The following PHF21B variants were observed in gnomAD, a reference collection of about 807,000 sequenced individuals.
PHF21B encodes the protein PHD finger protein 21B.
A neutral mutation model predicts 62.2 loss-of-function variants in PHF21B; 22 were observed. The ratio of observed to expected loss-of-function variants is 0.35; its 90% CI spans 0.25 to 0.51. The LOEUF (loss-of-function observed/expected upper bound fraction) is 0.51. Ranked by LOEUF, PHF21B falls within the 20% of genes least tolerant of loss-of-function variation. The probability of loss-of-function intolerance (pLI) is 0.97; values close to 1 mark genes in which losing one functional copy is unlikely to be tolerated. For synonymous variants in PHF21B, 341 were observed against 314.7 expected (o/e 1.08, Z -0.88); for missense variants, 701 against 707.9 (o/e 0.99, Z 0.11).
In PHF21B at chr22:44,882,828, G is replaced by A. The variant is rs868817086; in HGVS notation, c.*258C>T. On this transcript the variant is annotated 3_prime_UTR_variant, in exon 13 of 13. Coordinates refer to ENST00000313237, the MANE Select transcript of PHF21B (RefSeq NM_138415.5). ...GCCCAGGCAGCCCCGAGGTGGCCGG[G>A]GGGAGACTGTGTGCCCCAGCCTGTC... is the stretch of plus-strand genomic sequence containing the variant. 4 of 461,728 alleles carry A rather than the reference G, an allele frequency of 8.7e-6. No individual in the cohort carries two copies. Among genetic ancestry groups the A allele is most frequent in the Non-Finnish European group, 1.5e-5 (4 of 261,122 alleles). 28.6% of individuals were successfully genotyped at this position (461,728 alleles called of 1,614,324 possible).
chr22:44,916,275 C>T lies in PHF21B; in HGVS notation c.564+5G>A. On this transcript the variant is annotated splice_donor_5th_base_variant and intron_variant, in intron 4 of 12. Coordinates refer to ENST00000313237, the MANE Select transcript of PHF21B (RefSeq NM_138415.5). ...CCTTTCCGGAGCCTGCTGGTGGGCACTCACCTTGTTGTCAGCACTGATGAG... is the reference window on the plus strand; with the variant it reads ...CCTTTCCGGAGCCTGCTGGTGGGCATTCACCTTGTTGTCAGCACTGATGAG... The T allele has an allele frequency of 6.2e-7, 1 of 1,607,802 alleles. No individual in the cohort carries two copies. The highest frequency in any genetic ancestry group is 8.5e-7 in the Non-Finnish European group (1 of 1,178,814).
At chr22:44,885,988 T>C in intron 10 of PHF21B, 50 bp from the exon 11 acceptor site, 2 of 1,559,688 alleles carry the variant, frequency 1.3e-6, no homozygotes, top group Non-Finnish European at 1.8e-6. Context: ...TGGGACCTGC[T>C]GGGACTGTCC....
Position 45,009,343 on chromosome 22 carries a change from G to C in PHF21B, c.54+153C>G, listed in dbSNP as rs1384103505. The C allele has an allele frequency of 2.6e-6, 2 of 764,836 alleles. No homozygotes were observed. Among genetic ancestry groups the C allele is most frequent in the Admixed American group, 6.4e-5 (2 of 31,088 alleles). The allele number at this position is 764,836 out of a possible 1,614,324, so 47.4% of individuals were successfully genotyped here. Reference sequence around the variant, plus strand: ...CGGAGGGGAGCCCAGAAGGGGGTCCGCGCGTGTGCTCACTCCCTCGCCCCC... The same window carrying C: ...CGGAGGGGAGCCCAGAAGGGGGTCCCCGCGTGTGCTCACTCCCTCGCCCCC... On this transcript the variant is annotated intron_variant, in intron 1 of 12. Coordinates refer to ENST00000313237, the MANE Select transcript of PHF21B (RefSeq NM_138415.5). The surrounding 1 kb of genome is among the most constrained non-coding windows in gnomAD (Gnocchi z 5.9).
At chr22:44,947,146 T>A (rs1569246524) in intron 2 of PHF21B, among the ~76,000 whole-genome samples, 1 of 152,226 alleles carries the variant, frequency 6.6e-6, no homozygotes, top group Non-Finnish European at 1.5e-5. Context: ...ATGAGAAGCC[T>A]GGCCTTGCAG....
At position 44,945,873 on chromosome 22, in the gene PHF21B, C is replaced by G. The variant is rs1194946277; in HGVS notation, c.121-25383G>C. Among the ~76,000 whole-genome samples, 5 of 152,160 alleles carry G rather than the reference C, an allele frequency of 3.3e-5. No individual in the cohort carries two copies. The East Asian group carries it at 5.8e-4, about 18-fold the overall frequency. Reference sequence around the variant, plus strand: ...AACTCTTTGGGCCTCAGGCCCCAGGCAGTGAGATGGGGAAGATGCTACCAT... The same window carrying G: ...AACTCTTTGGGCCTCAGGCCCCAGGGAGTGAGATGGGGAAGATGCTACCAT... On this transcript the variant is annotated intron_variant, in intron 2 of 12. Transcript: ENST00000313237.
chr22:44,971,799 G>A (rs944225104), intron 2 of PHF21B, among the ~76,000 whole-genome samples: 7 of 152,172 alleles, frequency 4.6e-5, no homozygotes, highest in African/African-American at 9.7e-5. Context: ...GACCCCTCCC[G>A]CACTTGCTGC....
intron 10 of PHF21B, 74 bp downstream of exon 10, chr22:44,887,889 C>A: frequency 7.5e-7 from 1 of 1,337,558 alleles, no homozygotes; most frequent in Non-Finnish European, 9.6e-7. Flanking sequence ...TTCACCCCTC[C>A]TCTGCCCTGT....
chr22:44,899,937 G>T (rs2071128311), intron 5 of PHF21B, among the ~76,000 whole-genome samples: 1 of 151,846 alleles, frequency 6.6e-6, no homozygotes, highest in Non-Finnish European at 1.5e-5. Flanking sequence ...AAATCTCTTG[G>T]GTTTTCTCAA....
intron 2 of PHF21B, chr22:44,933,429 C>T (rs904485486): frequency 1.0e-6 from 1 of 982,598 alleles, no homozygotes; most frequent in Non-Finnish European, 1.2e-6. Context: ...TTCCTGAAGC[C>T]ATTGGCACTG....
At chr22:44,989,414 G>T (rs1170423228) in intron 2 of PHF21B, 1 of 152,066 alleles carries the variant, frequency 6.6e-6, no homozygotes, top group African/African-American at 2.4e-5. Context: ...CATGAAACGT[G>T]AATCCAACGG....
chr22:44,933,740 GACAGAC>G (rs2071789046), intron 2 of PHF21B, among the ~76,000 whole-genome samples: 1 of 151,438 alleles, frequency 6.6e-6, no homozygotes, highest in South Asian at 2.1e-4. Flanking sequence ...GAGAGAGACA[GACAGAC>G]AGACAGAGAG....
chr22:44,969,789 A>C (rs1332331691), intron 2 of PHF21B, among the ~76,000 whole-genome samples: 1 of 152,178 alleles, frequency 6.6e-6, no homozygotes, highest in African/African-American at 2.4e-5. Context: ...ACTTTCCGCT[A>C]TCTCACCTGA....
chr22:44,915,048 G>A (rs1412815716), intron 4 of PHF21B, among the ~76,000 whole-genome samples: 2 of 152,172 alleles, frequency 1.3e-5, no homozygotes, highest in African/African-American at 4.8e-5. Context: ...CACGGGTGGT[G>A]ACTGTCTGAT....
chr22:44,988,652 G>A (rs2072993750), intron 2 of PHF21B, among the ~76,000 whole-genome samples: 1 of 152,192 alleles, frequency 6.6e-6, no homozygotes, highest in Non-Finnish European at 1.5e-5. Context: ...CAAAGATGTA[G>A]GAAATATGAA....
At chr22:44,955,647 G>A (rs1247133385) in intron 2 of PHF21B, among the ~76,000 whole-genome samples, 2 of 152,154 alleles carry the variant, frequency 1.3e-5, no homozygotes, top group Admixed American at 6.5e-5. Context: ...TGGTCCCCAG[G>A]CCTTCAGACT....
At position 44,928,739 on chromosome 22, in the gene PHF21B, A is replaced by G. The variant is rs144319501; in HGVS notation, c.121-8249T>C. 1.2e-3 allele frequency among the ~76,000 whole-genome samples: 177 copies of G among 152,318 alleles called. 2 individuals carry two copies. The highest frequency in any genetic ancestry group is 0.011 in the East Asian group (59 of 5,184). The stretch of plus-strand genomic sequence containing the variant: ...GGAACTTTTTAAAGAAACCAGGACA[A>G]TTGTCTACAGAAGGCGCTGGGTTTC... On this transcript the variant is annotated intron_variant, in intron 2 of 12. Coordinates refer to ENST00000313237, the MANE Select transcript of PHF21B (RefSeq NM_138415.5).
intron 2 of PHF21B, among the ~76,000 whole-genome samples, chr22:44,978,898 T>C (rs543951340): frequency 1.3e-5 from 2 of 152,140 alleles, no homozygotes; most frequent in South Asian, 4.2e-4. Flanking sequence ...TGCGTGCAGC[T>C]GCTGCATCTG....
chr22:45,007,198 T>C (rs2073332138), intron 2 of PHF21B, among the ~76,000 whole-genome samples: 1 of 142,646 alleles, frequency 7.0e-6, no homozygotes, highest in Non-Finnish European at 1.5e-5. Flanking sequence ...GCCGCGGCAC[T>C]GCCATCTTCC....
intron 2 of PHF21B, among the ~76,000 whole-genome samples, chr22:44,943,555 C>T (rs545067663): frequency 3.3e-5 from 5 of 152,154 alleles, no homozygotes; most frequent in African/African-American, 9.7e-5. Flanking sequence ...GGCAGCTGCA[C>T]GCTTCCTCCA....
Sources: allele counts gnomAD v4.1 joint callset (sites outside exome capture counted in the v4.1 genomes callset), GRCh38; gene constraint gnomAD v4.1.1; non-coding constraint Gnocchi (gnomAD v3.1); transcripts MANE v1.5; gene names NCBI Gene and HGNC (gene_info 2026-07-23, HGNC 2026-07-21).